The following GALNTL6 variants were observed in gnomAD, a reference collection of about 807,000 sequenced individuals.
The protein encoded by GALNTL6 is polypeptide N-acetylgalactosaminyltransferase like 6.
Under a neutral mutation model 73.7 loss-of-function variants are expected in GALNTL6, and 46 were observed. The observed-to-expected ratio is 0.62, with a 90% CI of 0.49 to 0.80. The LOEUF is 0.80. GALNTL6 is among the 30% of genes least tolerant of loss of function. The probability of loss-of-function intolerance (pLI) is 0.00; values close to 1 mark genes in which losing one functional copy is unlikely to be tolerated. For missense variants in GALNTL6, 604 were observed against 755.0 expected (o/e 0.80, Z 2.34); for synonymous variants, 259 against 263.7 (o/e 0.98, Z 0.17).
At chr4:172,187,157 TAAGC>T (rs1735440071) in intron 2 of GALNTL6, among the ~76,000 whole-genome samples, 1 of 152,126 alleles carries the variant, frequency 6.6e-6, no homozygotes, top group African/African-American at 2.4e-5. Flanking sequence ...CCTTTTATAT[TAAGC>T]AAAACATAAC....
chr4:172,534,681 G>A (rs1159106995), intron 5 of GALNTL6, among the ~76,000 whole-genome samples: 3 of 151,968 alleles, frequency 2.0e-5, no homozygotes, highest in Non-Finnish European at 2.9e-5. Context: ...CAATTCTCCT[G>A]CCTCAGCCTC....
At chr4:172,579,416 T>C (rs1413089630) in intron 5 of GALNTL6, among the ~76,000 whole-genome samples, 1 of 152,194 alleles carries the variant, frequency 6.6e-6, no homozygotes, top group Non-Finnish European at 1.5e-5. Flanking sequence ...CTGTGTATCA[T>C]GGCAGATAGT....
At chr4:172,175,719 A>G (rs931241288) in intron 2 of GALNTL6, among the ~76,000 whole-genome samples, 1 of 152,054 alleles carries the variant, frequency 6.6e-6, no homozygotes, top group African/African-American at 2.4e-5. Flanking sequence ...GTGGTTATAC[A>G]TTTTAAATAG....
At chr4:172,971,456 G>A (rs894501075) in intron 10 of GALNTL6, among the ~76,000 whole-genome samples, 2 of 152,188 alleles carry the variant, frequency 1.3e-5, no homozygotes, top group African/African-American at 4.8e-5. Flanking sequence ...GTAGAAATTG[G>A]CTACAGGATG....
At chr4:172,372,007 T>C (rs1024911931) in intron 5 of GALNTL6, among the ~76,000 whole-genome samples, 7 of 152,218 alleles carry the variant, frequency 4.6e-5, no homozygotes, top group African/African-American at 1.4e-4. Context: ...ATTTATTCTT[T>C]TTCCCTTTCC....
At chr4:172,713,662 T>C (rs1344176525) in intron 5 of GALNTL6, among the ~76,000 whole-genome samples, 1 of 152,142 alleles carries the variant, frequency 6.6e-6, no homozygotes, top group Non-Finnish European at 1.5e-5. Flanking sequence ...ATATGGTCAC[T>C]GAATCATAGA....
intron 5 of GALNTL6, among the ~76,000 whole-genome samples, chr4:172,591,603 A>T (rs1315387232): frequency 6.6e-6 from 1 of 152,304 alleles, no homozygotes; most frequent in African/African-American, 2.4e-5. Context: ...TTAAACTTTT[A>T]AAAGTTTATT....
intron 2 of GALNTL6, among the ~76,000 whole-genome samples, chr4:171,873,632 A>C (rs1353697480): frequency 6.6e-6 from 1 of 152,130 alleles, no homozygotes; most frequent in African/African-American, 2.4e-5. Flanking sequence ...GTCTATAAAA[A>C]CTTTATAATA....
intron 2 of GALNTL6, among the ~76,000 whole-genome samples, chr4:171,825,506 C>T (rs892423221): frequency 6.6e-6 from 1 of 152,086 alleles, no homozygotes; most frequent in Non-Finnish European, 1.5e-5. Context: ...TACGTAGAAA[C>T]TTTTAACTTT....
chr4:172,087,828 T>C (rs1015988088), intron 2 of GALNTL6, among the ~76,000 whole-genome samples: 24 of 151,962 alleles, frequency 1.6e-4, no homozygotes, highest in Admixed American at 1.3e-4. Context: ...TTTTTATATA[T>C]ATTTATTCTG....
chr4:171,886,681 C>T (rs1258718178), intron 2 of GALNTL6, among the ~76,000 whole-genome samples: 1 of 152,056 alleles, frequency 6.6e-6, no homozygotes, highest in Non-Finnish European at 1.5e-5. Flanking sequence ...GAGAAAAGAG[C>T]TTGTGCAGGG....
intron 2 of GALNTL6, among the ~76,000 whole-genome samples, chr4:172,189,814 GATA>G (rs551366843): frequency 8.4e-4 from 127 of 151,940 alleles, no homozygotes; most frequent in Middle Eastern, 3.4e-3. Context: ...CTATTACAAT[GATA>G]ATAATAATGA....
chr4:172,003,646 A>T (rs1380721550), intron 2 of GALNTL6, among the ~76,000 whole-genome samples: 1 of 152,128 alleles, frequency 6.6e-6, no homozygotes, highest in Non-Finnish European at 1.5e-5. Flanking sequence ...ATTCTTTAAA[A>T]TGTCATGGTT....
In GALNTL6 at chr4:172,584,645, T is replaced by C. The variant is rs191539880; in HGVS notation, c.554-224716T>C. 2.4e-4 allele frequency among the ~76,000 whole-genome samples: 36 copies of C among 152,348 alleles called. No homozygotes were observed. In the East Asian group the frequency reaches 6.6e-3, roughly 28 times the overall value. On this transcript the variant is annotated intron_variant, in intron 5 of 12. Coordinates refer to ENST00000506823, the MANE Select transcript of GALNTL6 (RefSeq NM_001034845.3). ...TTTAAATAGTAGGTGGTTGTGGAGC[T>C]ATTTTTATTAAAATAAGGAACATCA...
At chr4:172,183,527 T>C (rs1374780748) in intron 2 of GALNTL6, among the ~76,000 whole-genome samples, 1 of 152,308 alleles carries the variant, frequency 6.6e-6, no homozygotes, top group African/African-American at 2.4e-5. Flanking sequence ...GATTCAACAA[T>C]GTAGGCAAGG....
At chr4:172,297,229 G>A (rs1001845117) in intron 3 of GALNTL6, among the ~76,000 whole-genome samples, 4 of 151,990 alleles carry the variant, frequency 2.6e-5, no homozygotes, top group Non-Finnish European at 5.9e-5. Context: ...AAATTTGTTT[G>A]AGTTCTTTGT....
chr4:172,185,404 A>G (rs1401142950), intron 2 of GALNTL6, among the ~76,000 whole-genome samples: 1 of 152,206 alleles, frequency 6.6e-6, no homozygotes, highest in African/African-American at 2.4e-5. Flanking sequence ...TCGTTACACC[A>G]CAACTCTCAA....
intron 2 of GALNTL6, among the ~76,000 whole-genome samples, chr4:171,859,824 T>C (rs1317770120): frequency 6.6e-6 from 1 of 152,188 alleles, no homozygotes; most frequent in East Asian, 1.9e-4. Flanking sequence ...AGCCCTGCCC[T>C]GCCTCCCACT....
intron 2 of GALNTL6, among the ~76,000 whole-genome samples, chr4:172,031,106 T>C (rs1189007049): frequency 2.0e-5 from 3 of 152,102 alleles, no homozygotes; most frequent in Non-Finnish European, 4.4e-5. Context: ...TCTGATTCTT[T>C]TTATGATCCC....
Sources: gnomAD v4.1 joint callset for allele counts (sites outside exome capture counted in the v4.1 genomes callset) on GRCh38, gnomAD v4.1.1 for gene constraint, MANE v1.5 for transcripts, NCBI Gene and HGNC (gene_info 2026-07-23, HGNC 2026-07-21) for gene names.